The following TRA2B variants were observed in gnomAD, a reference collection of about 807,000 sequenced individuals.
TRA2B encodes transformer 2 beta homolog.
In TRA2B, 14 loss-of-function variants were observed where a neutral mutation model predicts 41.7. The observed-to-expected ratio is 0.34, with a 90% CI of 0.22 to 0.53. TRA2B has a LOEUF of 0.53. Among genes scored for constraint, TRA2B ranks in the 20% least tolerant of loss-of-function variants. The pLI is 0.95. For synonymous variants in TRA2B, 130 were observed against 128.8 expected (o/e 1.01, Z -0.06); for missense variants, 167 against 396.8 (o/e 0.42, Z 4.92).
intron 5 of TRA2B, among the ~76,000 whole-genome samples, chr3:185,921,737 C>A (rs1578474629): frequency 6.6e-6 from 1 of 152,176 alleles, no homozygotes; most frequent in African/African-American, 2.4e-5. Context: ...GCACTCCAGC[C>A]TGGGCGACAG....
intron 5 of TRA2B, among the ~76,000 whole-genome samples, chr3:185,921,656 C>T (rs148430298): frequency 0.013 from 1,914 of 152,062 alleles, 28 homozygotes; most frequent in African/African-American, 0.043. Context: ...CCCAGCTACT[C>T]GGGAGGCTGA....
At chr3:185,935,687 G>C in intron 1 of TRA2B, 1 of 985,426 alleles carries the variant, frequency 1.0e-6, no homozygotes, top group Non-Finnish European at 1.2e-6. Flanking sequence ...TTACACCACA[G>C]GCATGTCTAA....
chr3:185,926,849 T>C (rs770661009), intron 1 of TRA2B, 115 bp from the exon 2 acceptor site: 60 of 1,313,744 alleles, frequency 4.6e-5, no homozygotes, highest in Non-Finnish European at 5.7e-5. Context: ...GATAAGAAAA[T>C]ATAGGTAAGG....
intron 1 of TRA2B, among the ~76,000 whole-genome samples, chr3:185,933,209 G>T (rs929008965): frequency 6.6e-6 from 1 of 152,104 alleles, no homozygotes; most frequent in Non-Finnish European, 1.5e-5. Flanking sequence ...AAGAATAGAG[G>T]CCATAGCTCT....
At chr3:185,934,695 ATTTAGAG>A in intron 1 of TRA2B, 1 of 985,344 alleles carries the variant, frequency 1.0e-6, no homozygotes. Context: ...GAAAATTAGA[ATTTAGAG>A]TTTAGGAGCT....
chr3:185,928,776 G>A (rs572991354), intron 1 of TRA2B: 2 of 152,320 alleles, frequency 1.3e-5, no homozygotes, highest in South Asian at 4.1e-4. Context: ...TACCAATAAA[G>A]TAACTGTAGT....
At chr3:185,920,623 A>G (rs1311921734) in intron 6 of TRA2B, among the ~76,000 whole-genome samples, 1 of 151,818 alleles carries the variant, frequency 6.6e-6, no homozygotes, top group Non-Finnish European at 1.5e-5. Context: ...GGTGCAATCT[A>G]AATTCACTGC....
chr3:185,936,686 TTTA>T (rs1467527528), intron 1 of TRA2B: 1 of 983,580 alleles, frequency 1.0e-6, no homozygotes, highest in African/African-American at 1.8e-5. Flanking sequence ...GTTTTTTTTT[TTTA>T]AAAAAGCACA....
At chr3:185,926,952 G>A (rs1743975392) in intron 1 of TRA2B, 2 of 509,424 alleles carry the variant, frequency 3.9e-6, no homozygotes, top group East Asian at 4.1e-5. Context: ...TTTGGAGCAG[G>A]GATAAGAGTT....
chr3:185,923,206 G>GCGGAGGTTGCGGTGAGC (rs1222154963), intron 4 of TRA2B: 3 of 152,890 alleles, frequency 2.0e-5, no homozygotes, highest in Non-Finnish European at 4.4e-5. Context: ...AACCCAGGAG[G>GCGGAGGTTGCGGTGAGC]CGGAGGTTGC....
intron 1 of TRA2B, among the ~76,000 whole-genome samples, chr3:185,933,785 T>G (rs1370653467): frequency 1.4e-5 from 2 of 147,698 alleles, no homozygotes; most frequent in African/African-American, 2.4e-5. Flanking sequence ...AAAACTCTCT[T>G]GTAAATATAG....
intron 6 of TRA2B, among the ~76,000 whole-genome samples, chr3:185,920,380 T>C (rs1012085783): frequency 3.3e-5 from 5 of 152,188 alleles, no homozygotes; most frequent in Non-Finnish European, 1.5e-5. Flanking sequence ...AGGTGGGGTC[T>C]TGCTCTGGGG....
intron 1 of TRA2B, among the ~76,000 whole-genome samples, chr3:185,932,477 A>G (rs988869872): frequency 6.6e-6 from 1 of 152,202 alleles, no homozygotes; most frequent in African/African-American, 2.4e-5. Flanking sequence ...GAATCATAAA[A>G]AGACAAAATC....
At chr3:185,926,172 T>C (rs1030614615) in intron 2 of TRA2B, among the ~76,000 whole-genome samples, 4 of 148,664 alleles carry the variant, frequency 2.7e-5, no homozygotes, top group Admixed American at 6.7e-5. Context: ...GATGTATATA[T>C]AGCCTACTTT....
intron 1 of TRA2B, chr3:185,936,451 A>T: frequency 9.1e-6 from 9 of 985,452 alleles, no homozygotes; most frequent in Non-Finnish European, 1.1e-5. Context: ...GAGTATGTAA[A>T]CGCAAGGCTT....
At chr3:185,924,324 CTG>C (rs1560010204) in intron 3 of TRA2B, 4 of 188,338 alleles carry the variant, frequency 2.1e-5, no homozygotes, top group East Asian at 1.5e-4. Context: ...TGGAACCACA[CTG>C]TGTCTATCAG....
chr3:185,923,656 T>C (rs1232072824), intron 4 of TRA2B, 140 bp downstream of exon 4: 3 of 733,742 alleles, frequency 4.1e-6, no homozygotes, highest in Non-Finnish European at 4.1e-6. Flanking sequence ...TCTGCATGTA[T>C]CTTGAGTCTC....
At chr3:185,922,517 A>G (rs1006513260) in intron 4 of TRA2B, 1 of 155,038 alleles carries the variant, frequency 6.5e-6, no homozygotes, top group African/African-American at 2.4e-5. Flanking sequence ...CACAAAATCC[A>G]AATTCCAATG....
intron 1 of TRA2B, chr3:185,935,293 G>A (rs1744304331): frequency 3.0e-6 from 3 of 985,292 alleles, no homozygotes; most frequent in Admixed American, 6.1e-5. Flanking sequence ...GGTTAAGCCT[G>A]CTAATTAGAC....
Sources: allele counts gnomAD v4.1 joint callset (sites outside exome capture counted in the v4.1 genomes callset), GRCh38; gene constraint gnomAD v4.1.1; transcripts MANE v1.5; gene names NCBI Gene and HGNC (gene_info 2026-07-23, HGNC 2026-07-21).